The following FHIT variants were observed in gnomAD, a reference collection of about 807,000 sequenced individuals.
The protein encoded by FHIT is bis(5'-adenosyl)-triphosphatase.
In FHIT, 19 loss-of-function variants were observed where a neutral mutation model predicts 17.9. The ratio of observed to expected loss-of-function variants is 1.06; its 90% CI spans 0.74 to 1.56. FHIT has a LOEUF of 1.56. FHIT is among the 40% of genes most tolerant of loss of function. The pLI, the probability that FHIT is intolerant of heterozygous loss-of-function variation, is 0.00. For synonymous variants in FHIT, 81 were observed against 69.7 expected (o/e 1.16, Z -0.81); for missense variants, 248 against 189.2 (o/e 1.31, Z -1.82).
chr3:60,225,703 G>T (rs213414), intron 5 of FHIT, among the ~76,000 whole-genome samples: 48,257 of 152,118 alleles, frequency 0.32, 9,082 homozygotes, highest in East Asian at 0.55. Context: ...AGCATTTAAT[G>T]CAAAACTTGC....
At chr3:59,970,853 A>G (rs1421680026) in intron 7 of FHIT, among the ~76,000 whole-genome samples, 1 of 140,006 alleles carries the variant, frequency 7.1e-6, no homozygotes, top group Non-Finnish European at 1.5e-5. Context: ...TTTTTTTTTC[A>G]TTTCTAAAAT....
chr3:60,852,327 G>A (rs1553748656), intron 3 of FHIT, among the ~76,000 whole-genome samples: 1 of 151,996 alleles, frequency 6.6e-6, no homozygotes, highest in Non-Finnish European at 1.5e-5. Context: ...GCCAGATCTG[G>A]GGACTTGCCA....
intron 5 of FHIT, among the ~76,000 whole-genome samples, chr3:60,140,739 C>A (rs552261151): frequency 1.2e-4 from 18 of 152,126 alleles, no homozygotes; most frequent in Admixed American, 5.9e-4. Flanking sequence ...CCACCACGCC[C>A]AGCTAATTTT....
chr3:60,069,232 A>G (rs1050654941), intron 5 of FHIT, among the ~76,000 whole-genome samples: 4 of 152,168 alleles, frequency 2.6e-5, no homozygotes, highest in Admixed American at 2.0e-4. Context: ...GAGAAATTTC[A>G]TATTTTATAT....
Position 60,750,721 on chromosome 3 carries a change from G to T in FHIT, c.-18+71198C>A, listed in dbSNP as rs574800777. ...TATCTTTATCAGCAGTGTGAAAACA[G>T]ACTAATACACCTCCCAGCTCTGCTC... On this transcript the variant is annotated intron_variant, in intron 4 of 9. Coordinates refer to ENST00000492590, the MANE Select transcript of FHIT (RefSeq NM_002012.4). Among the ~76,000 whole-genome samples the T allele has an allele frequency of 2.0e-5, 3 of 152,224 alleles. No individual in the cohort carries two copies. The East Asian group carries it at 5.8e-4, about 29-fold the overall frequency.
chr3:60,404,648 G>GACCA (rs1310836717), intron 5 of FHIT, among the ~76,000 whole-genome samples: 1 of 152,072 alleles, frequency 6.6e-6, no homozygotes, highest in African/African-American at 2.4e-5. Flanking sequence ...AAAGAACTAG[G>GACCA]ACCACACCTG....
At chr3:59,815,134 G>C (rs565547684) in intron 8 of FHIT, among the ~76,000 whole-genome samples, 5 of 152,256 alleles carry the variant, frequency 3.3e-5, no homozygotes, top group Middle Eastern at 3.4e-3. Flanking sequence ...ATCCACATCT[G>C]TTACCTGCTT....
chr3:60,233,779 G>C (rs1010794099), intron 5 of FHIT, among the ~76,000 whole-genome samples: 3 of 152,102 alleles, frequency 2.0e-5, no homozygotes, highest in African/African-American at 7.2e-5. Context: ...CTGTTCTTGT[G>C]ATAGTGAGTA....
chr3:60,799,617 G>C (rs782501883), intron 4 of FHIT, among the ~76,000 whole-genome samples: 1 of 152,016 alleles, frequency 6.6e-6, no homozygotes, highest in Non-Finnish European at 1.5e-5. Flanking sequence ...TTCTTGCCTC[G>C]GGACCTTTGC....
At chr3:60,015,188 C>T (rs999264164) in intron 5 of FHIT, among the ~76,000 whole-genome samples, 3 of 152,112 alleles carry the variant, frequency 2.0e-5, no homozygotes, top group African/African-American at 7.2e-5. Flanking sequence ...TCTGCAATTG[C>T]TAGTCTCACT....
chr3:60,330,308 G>C (rs1343212452), intron 5 of FHIT, among the ~76,000 whole-genome samples: 1 of 152,166 alleles, frequency 6.6e-6, no homozygotes, highest in Non-Finnish European at 1.5e-5. Context: ...AGTGGGTGGT[G>C]ATGTCTCCCT....
At chr3:60,538,926 C>A (rs1442131887) in intron 4 of FHIT, among the ~76,000 whole-genome samples, 6 of 151,848 alleles carry the variant, frequency 4.0e-5, no homozygotes, top group Admixed American at 1.3e-4. Flanking sequence ...GCAACAAAAG[C>A]CAAAATTGAC....
intron 8 of FHIT, among the ~76,000 whole-genome samples, chr3:59,853,736 GAC>G (rs1229368103): frequency 1.3e-5 from 2 of 152,108 alleles, no homozygotes; most frequent in Admixed American, 1.3e-4. Flanking sequence ...GAGATATGGG[GAC>G]ACACACATAG....
chr3:60,790,260 C>A (rs782727827), intron 4 of FHIT, among the ~76,000 whole-genome samples: 2 of 152,038 alleles, frequency 1.3e-5, no homozygotes, highest in Non-Finnish European at 2.9e-5. Flanking sequence ...GTAAGGAAAG[C>A]GGAATTTACA....
chr3:61,217,665 G>C (rs923401025), intron 1 of FHIT, among the ~76,000 whole-genome samples: 1 of 152,090 alleles, frequency 6.6e-6, no homozygotes, highest in Non-Finnish European at 1.5e-5. Context: ...ACTGTAAGAA[G>C]AGCACAGGAT....
intron 5 of FHIT, among the ~76,000 whole-genome samples, chr3:60,533,542 C>T (rs1025417342): frequency 1.3e-5 from 2 of 152,174 alleles, no homozygotes; most frequent in East Asian, 1.9e-4. Flanking sequence ...TAATAAAGTA[C>T]TGAATGAATC....
chr3:60,787,875 G>T (rs1700637848), intron 4 of FHIT, among the ~76,000 whole-genome samples: 1 of 152,144 alleles, frequency 6.6e-6, no homozygotes, highest in Admixed American at 6.5e-5. Flanking sequence ...GGTTGTTGGG[G>T]TGGGTTTTCT....
At chr3:60,730,822 G>A (rs2107986356) in intron 4 of FHIT, among the ~76,000 whole-genome samples, 1 of 152,210 alleles carries the variant, frequency 6.6e-6, no homozygotes, top group Non-Finnish European at 1.5e-5. Context: ...CTAGTGTTAA[G>A]AAAAATAAGA....
At chr3:59,798,538 T>G (rs1016153830) in intron 8 of FHIT, among the ~76,000 whole-genome samples, 1 of 152,154 alleles carries the variant, frequency 6.6e-6, no homozygotes, top group South Asian at 2.1e-4. Flanking sequence ...AATTCAGGGG[T>G]GGTCAATATT....
Sources: gnomAD v4.1 joint callset for allele counts (sites outside exome capture counted in the v4.1 genomes callset) on GRCh38, gnomAD v4.1.1 for gene constraint, MANE v1.5 for transcripts, NCBI Gene and HGNC (gene_info 2026-07-23, HGNC 2026-07-21) for gene names.